Variants in TMEM161B observed in about 807,000 individuals in gnomAD.
TMEM161B encodes the protein transmembrane protein 161B.
Under a neutral mutation model 61.8 loss-of-function variants are expected in TMEM161B, and 34 were observed. The ratio of observed to expected loss-of-function variants is 0.55; its 90% CI spans 0.42 to 0.73. The LOEUF (loss-of-function observed/expected upper bound fraction) is 0.73. Ranked by LOEUF, TMEM161B falls within the 30% of genes least tolerant of loss-of-function variation. The pLI is 0.00. For missense variants in TMEM161B, 456 were observed against 558.5 expected (o/e 0.82, Z 1.85); for synonymous variants, 167 against 192.8 (o/e 0.87, Z 1.11).
At position 88,239,447 on chromosome 5, in the gene TMEM161B, T is replaced by C. The variant is rs536458367; in HGVS notation, c.107+1366A>G. Among the ~76,000 whole-genome samples, 6 of 152,116 alleles carry C rather than the reference T, an allele frequency of 3.9e-5. No homozygotes were observed. The East Asian group carries it at 1.2e-3, about 29-fold the overall frequency. ...ATTTGCCCAGCTCATGTTCATCTTT[T>C]CCTGATCTTCGAAAATGGTTTTGCT... On this transcript the variant is annotated intron_variant, in intron 2 of 11. Coordinates refer to ENST00000296595, the MANE Select transcript of TMEM161B (RefSeq NM_153354.5).
At chr5:88,252,768 A>T (rs547389501) in intron 1 of TMEM161B, among the ~76,000 whole-genome samples, 1 of 152,330 alleles carries the variant, frequency 6.6e-6, no homozygotes, top group Admixed American at 6.5e-5. Context: ...CACGGCAAAT[A>T]GGCTTTTGCT....
chr5:88,225,842 A>T lies in TMEM161B; in HGVS notation c.216T>A (p.Ser72Arg). The T allele has an allele frequency of 6.2e-7, 1 of 1,609,526 alleles. No individual in the cohort carries two copies. Residue 72 changes from serine (S) to arginine (R), a missense_variant, in exon 4 of 12, where the codon AGT becomes AGA. Ser to Arg is a moderately radical substitution (Grantham distance 110). Transcript: ENST00000296595. Reference protein sequence around the residue: ...KDRKYNGHIESKPLTIPKDID... With the variant: ...KDRKYNGHIERKPLTIPKDID... Reference sequence around the variant, plus strand: ...TATCCTTTGGAATGGTTAATGGCTTACTTTCAATGTGACCATTATATTTCC... The same window carrying T: ...TATCCTTTGGAATGGTTAATGGCTTTCTTTCAATGTGACCATTATATTTCC...
rs1392645057 is a variant in TMEM161B at position 88,228,539 on chromosome 5, AAAG to A, written c.108-14_108-12del. ...TGATACCACCTCAAACTAAGCAAAA[AAAG>A]AATTCTTTTAAATAAAGCGCTTAAA... On this transcript the variant is annotated splice_polypyrimidine_tract_variant and intron_variant, in intron 2 of 11. Coordinates refer to ENST00000296595, the MANE Select transcript of TMEM161B (RefSeq NM_153354.5). The A allele has an allele frequency of 6.4e-7, 1 of 1,572,244 alleles. No homozygotes were observed. Among genetic ancestry groups the A allele is most frequent in the Non-Finnish European group, 8.6e-7 (1 of 1,161,494 alleles).
intron 9 of TMEM161B, chr5:88,202,719 G>GA: frequency 6.7e-6 from 3 of 449,106 alleles, no homozygotes; most frequent in South Asian, 5.2e-5. Context: ...TAAAGAGGAG[G>GA]AAAAAAATAG....
chr5:88,231,385 T>C (rs1383609414), intron 2 of TMEM161B, among the ~76,000 whole-genome samples: 1 of 152,188 alleles, frequency 6.6e-6, no homozygotes, highest in Non-Finnish European at 1.5e-5. Context: ...GTGGGGTCTG[T>C]ACTAACTCCA....
At chr5:88,243,457 T>C (rs1753076465) in intron 1 of TMEM161B, among the ~76,000 whole-genome samples, 1 of 151,886 alleles carries the variant, frequency 6.6e-6, no homozygotes, top group East Asian at 1.9e-4. Context: ...CCATGGTATA[T>C]ATGTATTTAA....
At chr5:88,233,315 TTC>T (rs2112610710) in intron 2 of TMEM161B, among the ~76,000 whole-genome samples, 1 of 152,264 alleles carries the variant, frequency 6.6e-6, no homozygotes, top group Non-Finnish European at 1.5e-5. Flanking sequence ...GAGGAAAAAC[TTC>T]TCTGAGACAT....
chr5:88,222,388 G>A (rs1361647330), intron 4 of TMEM161B, among the ~76,000 whole-genome samples: 1 of 151,942 alleles, frequency 6.6e-6, no homozygotes, highest in Non-Finnish European at 1.5e-5. Context: ...GTTTTCTATT[G>A]TGATTGACCT....
Position 88,257,441 on chromosome 5 carries a change from T to C in TMEM161B, c.3+11280A>G, listed in dbSNP as rs1254214698. On this transcript the variant is annotated intron_variant, in intron 1 of 11. Coordinates refer to ENST00000296595, the MANE Select transcript of TMEM161B (RefSeq NM_153354.5). Reference sequence around the variant, plus strand: ...CAAAAGCCAAGAAAATTTGTTAAGTTAGGTAAATGCATTCATTGTGAATAT... The same window carrying C: ...CAAAAGCCAAGAAAATTTGTTAAGTCAGGTAAATGCATTCATTGTGAATAT... 3.9e-5 allele frequency among the ~76,000 whole-genome samples: 6 copies of C among 152,284 alleles called. 1 individual carries two copies. The highest frequency in any genetic ancestry group is 4.2e-4 in the South Asian group (2 of 4,818).
intron 1 of TMEM161B, among the ~76,000 whole-genome samples, chr5:88,254,750 G>A (rs1754754411): frequency 6.6e-6 from 1 of 151,898 alleles, no homozygotes; most frequent in Admixed American, 6.6e-5. Context: ...GCTGAGGTGA[G>A]AGAATCACTT....
chr5:88,229,751 T>TCCCC (rs1561373902), intron 2 of TMEM161B, among the ~76,000 whole-genome samples: 1 of 150,148 alleles, frequency 6.7e-6, no homozygotes, highest in Admixed American at 6.7e-5. Flanking sequence ...CAATTGCTGT[T>TCCCC]CCCCCCGTCC....
chr5:88,239,277 C>T (rs918012807), intron 2 of TMEM161B, among the ~76,000 whole-genome samples: 1 of 151,910 alleles, frequency 6.6e-6, no homozygotes, highest in Non-Finnish European at 1.5e-5. Context: ...ACAAGATTGT[C>T]AAGGTCTTTA....
intron 5 of TMEM161B, among the ~76,000 whole-genome samples, chr5:88,217,863 G>C (rs533777537): frequency 6.9e-6 from 1 of 145,798 alleles, no homozygotes; most frequent in African/African-American, 2.5e-5. Flanking sequence ...GTGAAAGACA[G>C]CAACCAAACA....
chr5:88,211,565 G>A (rs1317395744), intron 5 of TMEM161B, among the ~76,000 whole-genome samples: 1 of 152,022 alleles, frequency 6.6e-6, no homozygotes, highest in Non-Finnish European at 1.5e-5. Context: ...TTTGAGACCA[G>A]CCTGGCCAAC....
chr5:88,226,012 C>A, intron 3 of TMEM161B, 146 bp from the exon 4 acceptor site: 3 of 530,038 alleles, frequency 5.7e-6, no homozygotes, highest in South Asian at 3.2e-5. Flanking sequence ...AGGTAAAGTA[C>A]TCAAAGGTAG....
intron 2 of TMEM161B, among the ~76,000 whole-genome samples, chr5:88,230,813 T>C (rs985215297): frequency 1.3e-5 from 2 of 152,008 alleles, no homozygotes; most frequent in Admixed American, 6.5e-5. Context: ...AAAACAAGAG[T>C]GTAGAAGTAT....
In TMEM161B at chr5:88,268,649, C is replaced by G. The variant is rs1417851612; in HGVS notation, c.3+72G>C. On this transcript the variant is annotated intron_variant, in intron 1 of 11. Coordinates refer to ENST00000296595, the MANE Select transcript of TMEM161B (RefSeq NM_153354.5). ...ATTCTGAGCAGAGCACCTGATGGCT[C>G]TTTTCACAGTACTGACCTCCCCGCC... The G allele has an allele frequency of 3.5e-5, 57 of 1,608,404 alleles. No homozygotes were observed. The Middle Eastern group carries it at 4.9e-4, about 14-fold the overall frequency.
At chr5:88,262,072 C>A (rs1755764508) in intron 1 of TMEM161B, among the ~76,000 whole-genome samples, 1 of 152,090 alleles carries the variant, frequency 6.6e-6, no homozygotes, top group African/African-American at 2.4e-5. Flanking sequence ...TTAATTAAAA[C>A]TCAACAAGAA....
At chr5:88,257,984 C>T (rs1369539660) in intron 1 of TMEM161B, among the ~76,000 whole-genome samples, 1 of 152,132 alleles carries the variant, frequency 6.6e-6, no homozygotes, top group Non-Finnish European at 1.5e-5. Flanking sequence ...ATAACCTGAA[C>T]ATTTTCTTTT....
Sources: allele counts gnomAD v4.1 joint callset (sites outside exome capture counted in the v4.1 genomes callset), GRCh38; gene constraint gnomAD v4.1.1; transcripts MANE v1.5; gene names NCBI Gene and HGNC (gene_info 2026-07-23, HGNC 2026-07-21).